EYS: variants seen among roughly 807,000 people sequenced by gnomAD.
EYS encodes protein eyes shut homolog.
EYS carries 250 observed loss-of-function variants against 282.1 expected under a neutral mutation model. That is an observed-to-expected ratio of 0.89 (90% confidence interval 0.80 to 0.98). The LOEUF (loss-of-function observed/expected upper bound fraction) is 0.98. Among genes scored for constraint, EYS ranks in the 50% least tolerant of loss-of-function variants. EYS has a pLI of 0.00. For synonymous variants in EYS, 1,355 were observed against 1,282.9 expected (o/e 1.06, Z -1.20); for missense variants, 4,016 against 3,709.0 (o/e 1.08, Z -2.15).
At chr6:65,606,255 C>A (rs1907018) in intron 2 of EYS, among the ~76,000 whole-genome samples, 54,053 of 151,422 alleles carry the variant, frequency 0.36, 12,038 homozygotes, top group Non-Finnish European at 0.49. Context: ...CATTAATATT[C>A]TATACACACA....
intron 26 of EYS, among the ~76,000 whole-genome samples, chr6:64,471,220 C>A (rs1776112705): frequency 6.6e-6 from 1 of 152,072 alleles, no homozygotes; most frequent in Admixed American, 6.6e-5. Context: ...TCTTATTTAA[C>A]ATAGCATTGG....
At chr6:64,977,440 T>C (rs1230757753) in intron 14 of EYS, among the ~76,000 whole-genome samples, 4 of 151,892 alleles carry the variant, frequency 2.6e-5, no homozygotes, top group Non-Finnish European at 4.4e-5. Context: ...TCTAGCTCTC[T>C]CCCTCTGCTA....
At position 65,449,091 on chromosome 6, in the gene EYS, G is replaced by C. The variant is rs562704560; in HGVS notation, c.862+41503C>G. Among the ~76,000 whole-genome samples the C allele has an allele frequency of 4.0e-4, 61 of 152,078 alleles. 1 individual carries two copies. The South Asian group carries it at 0.012, about 29-fold the overall frequency. ...CACTTTCTTTCATAAGCTATGGACC[G>C]AGCACAAAAATAACCTAGTCCAAAA... is the stretch of plus-strand genomic sequence containing the variant. On this transcript the variant is annotated intron_variant, in intron 5 of 42. Transcript: ENST00000503581.
chr6:64,004,919 G>T (rs1415753470), intron 33 of EYS, among the ~76,000 whole-genome samples: 1 of 152,072 alleles, frequency 6.6e-6, no homozygotes, highest in Non-Finnish European at 1.5e-5. Context: ...GTGCTGTGAT[G>T]AACATATGGG....
intron 31 of EYS, among the ~76,000 whole-genome samples, chr6:64,115,787 A>G (rs1198603635): frequency 6.6e-6 from 1 of 152,200 alleles, no homozygotes; most frequent in Non-Finnish European, 1.5e-5. Context: ...AATCAAAGAA[A>G]CATGATATCA....
intron 36 of EYS, among the ~76,000 whole-genome samples, chr6:63,842,325 C>T (rs928541754): frequency 3.9e-5 from 6 of 152,182 alleles, no homozygotes; most frequent in Non-Finnish European, 7.4e-5. Context: ...GATGGTGTCT[C>T]ATTGTGGTTT....
chr6:64,315,829 G>A (rs895364822), intron 29 of EYS, among the ~76,000 whole-genome samples: 1 of 151,296 alleles, frequency 6.6e-6, no homozygotes, highest in Non-Finnish European at 1.5e-5. Flanking sequence ...TAAAATGCTG[G>A]CAAACTGAAT....
intron 38 of EYS, among the ~76,000 whole-genome samples, chr6:63,788,785 C>G (rs1770433452): frequency 6.6e-6 from 1 of 152,186 alleles, no homozygotes; most frequent in Admixed American, 6.5e-5. Context: ...TGTTCTCTTT[C>G]TTAACTCCTA....
chr6:63,764,488 A>G (rs1391858181), intron 40 of EYS, among the ~76,000 whole-genome samples: 1 of 152,078 alleles, frequency 6.6e-6, no homozygotes, highest in African/African-American at 2.4e-5. Context: ...AGAATTTTTA[A>G]ACGTGATGCT....
chr6:63,963,746 T>A (rs1766184267), intron 35 of EYS, among the ~76,000 whole-genome samples: 1 of 152,248 alleles, frequency 6.6e-6, no homozygotes, highest in Non-Finnish European at 1.5e-5. Flanking sequence ...GACTTGAATA[T>A]ACCATTGGAG....
intron 29 of EYS, among the ~76,000 whole-genome samples, chr6:64,380,964 G>A (rs1194540200): frequency 1.3e-5 from 2 of 149,516 alleles, no homozygotes; most frequent in African/African-American, 4.9e-5. Context: ...GCAGTGAGCC[G>A]AGAAATCGTG....
rs181747442 is a variant in EYS at position 65,202,071 on chromosome 6, C to G, written c.2023+93792G>C. ...AGGTTACAGTGAACCAAGATTGCAC[C>G]AGTGCACTCCAGCCTGGGTGACAGA... On this transcript the variant is annotated intron_variant, in intron 12 of 42. Transcript: ENST00000503581. Among the ~76,000 whole-genome samples, 47 of 151,934 alleles carry G rather than the reference C, an allele frequency of 3.1e-4. 1 individual carries two copies. Among genetic ancestry groups the G allele is most frequent in the African/African-American group, 1.1e-3 (45 of 41,442 alleles).
At chr6:64,850,903 A>G (rs1765862675) in intron 19 of EYS, among the ~76,000 whole-genome samples, 1 of 152,118 alleles carries the variant, frequency 6.6e-6, no homozygotes, top group South Asian at 2.1e-4. Flanking sequence ...TAAATTTAAT[A>G]TAGTAGGGAA....
intron 5 of EYS, among the ~76,000 whole-genome samples, chr6:65,435,346 G>C (rs1051466568): frequency 6.6e-6 from 1 of 151,826 alleles, no homozygotes; most frequent in African/African-American, 2.4e-5. Flanking sequence ...GTTATGATTT[G>C]CTATTTAGTA....
chr6:64,254,003 G>A (rs181212058), intron 30 of EYS, among the ~76,000 whole-genome samples: 5 of 152,182 alleles, frequency 3.3e-5, no homozygotes, highest in African/African-American at 4.8e-5. Flanking sequence ...TCTGGGAACT[G>A]TAATCAACCT....
rs1450024640 is a variant in EYS, at chr6:65,121,945, G to GA, written c.2024-64219dup. The stretch of plus-strand genomic sequence containing the variant: ...GCTAATTTATTTTTGTTTGCAACCT[G>GA]AAAAAAAAGAACACTAAAACTAAAT... On this transcript the variant is annotated intron_variant, in intron 12 of 42. Coordinates refer to ENST00000503581, the MANE Select transcript of EYS (RefSeq NM_001142800.2). Among the ~76,000 whole-genome samples, 4 of 150,902 alleles carry GA rather than the reference G, an allele frequency of 2.7e-5. No homozygotes were observed. The East Asian group carries it at 5.8e-4, about 22-fold the overall frequency.
At chr6:65,585,751 G>T (rs1765021737) in intron 2 of EYS, among the ~76,000 whole-genome samples, 1 of 151,814 alleles carries the variant, frequency 6.6e-6, no homozygotes, top group Admixed American at 6.6e-5. Flanking sequence ...GTTTTACCTA[G>T]AAAAGATTAA....
At chr6:64,113,380 C>G (rs1020039171) in intron 31 of EYS, among the ~76,000 whole-genome samples, 4 of 152,090 alleles carry the variant, frequency 2.6e-5, no homozygotes, top group Non-Finnish European at 5.9e-5. Flanking sequence ...ATCTTTTTAG[C>G]TTCAGTTCAC....
At chr6:64,641,404 G>A (rs895761706) in intron 22 of EYS, among the ~76,000 whole-genome samples, 2 of 152,158 alleles carry the variant, frequency 1.3e-5, no homozygotes, top group African/African-American at 4.8e-5. Context: ...AGATTTGGGT[G>A]TGGACACAGC....
Sources: allele counts gnomAD v4.1 joint callset (sites outside exome capture counted in the v4.1 genomes callset), GRCh38; gene constraint gnomAD v4.1.1; transcripts MANE v1.5; gene names NCBI Gene and HGNC (gene_info 2026-07-23, HGNC 2026-07-21).